Variants in TMEM68 observed in about 807,000 individuals in gnomAD.
The protein encoded by TMEM68 is transmembrane protein 68.
In TMEM68, 25 loss-of-function variants were observed where a neutral mutation model predicts 36.9. That is an observed-to-expected ratio of 0.68 (90% CI 0.49 to 0.95). The LOEUF is 0.95. Among genes scored for constraint, TMEM68 ranks in the 40% least tolerant of loss-of-function variants. TMEM68 has a pLI of 0.00. For synonymous variants in TMEM68, 131 were observed against 124.4 expected (o/e 1.05, Z -0.35); for missense variants, 333 against 392.0 (o/e 0.85, Z 1.27).
intron 6 of TMEM68, among the ~76,000 whole-genome samples, chr8:55,744,598 C>T (rs2129913130): frequency 6.6e-6 from 1 of 152,156 alleles, no homozygotes; most frequent in East Asian, 1.9e-4. Flanking sequence ...TGAGCCACCG[C>T]TCCCGGCCGC....
intron 3 of TMEM68, among the ~76,000 whole-genome samples, chr8:55,757,106 T>C (rs772694072): frequency 9.2e-5 from 14 of 152,184 alleles, no homozygotes; most frequent in Non-Finnish European, 1.6e-4. Context: ...TTAAAAATAC[T>C]GTACAGTATT....
chr8:55,767,307 T>C (rs987251731), intron 1 of TMEM68, among the ~76,000 whole-genome samples: 2 of 152,218 alleles, frequency 1.3e-5, no homozygotes, highest in Admixed American at 6.5e-5. Context: ...CATCTAAGCA[T>C]AGTTAATGCT....
chr8:55,765,980 C>A (rs1810950406), intron 1 of TMEM68, among the ~76,000 whole-genome samples: 1 of 152,276 alleles, frequency 6.6e-6, no homozygotes. Context: ...AGTCTACAAC[C>A]TCAAGTGACT....
chr8:55,765,126 T>C lies in TMEM68; in HGVS notation c.-114-1146A>G, dbSNP rs959268908. ...ACTATAATTTACCCATGTTTGATCA[T>C]TTAGAATGCAACATAGCAACCATCC... On this transcript the variant is annotated intron_variant, in intron 1 of 7. Coordinates refer to ENST00000434581, the MANE Select transcript of TMEM68 (RefSeq NM_001286657.2). 5.3e-5 allele frequency among the ~76,000 whole-genome samples: 8 copies of C among 152,172 alleles called. No individual in the cohort carries two copies. The South Asian group carries it at 1.2e-3, about 24-fold the overall frequency.
At chr8:55,772,049 T>G (rs1188043504) in intron 1 of TMEM68, among the ~76,000 whole-genome samples, 3 of 152,218 alleles carry the variant, frequency 2.0e-5, no homozygotes, top group Admixed American at 6.5e-5. Context: ...CTTATTATCG[T>G]AACCCAGCTA....
intron 2 of TMEM68, chr8:55,763,560 G>T (rs953626285): frequency 2.0e-5 from 3 of 152,042 alleles, no homozygotes; most frequent in East Asian, 1.9e-4. Flanking sequence ...GCTAATTTTT[G>T]TATTTTTAGT....
At chr8:55,741,204 C>A (rs1810092969) in intron 7 of TMEM68, among the ~76,000 whole-genome samples, 1 of 152,132 alleles carries the variant, frequency 6.6e-6, no homozygotes. Flanking sequence ...TGCACTGTAG[C>A]CTGGGCAACA....
intron 5 of TMEM68, among the ~76,000 whole-genome samples, chr8:55,748,830 ATCC>A (rs1810356744): frequency 6.6e-6 from 1 of 152,200 alleles, no homozygotes; most frequent in African/African-American, 2.4e-5. Flanking sequence ...GCCTCAAGTG[ATCC>A]TCCTGCCTTG....
chr8:55,741,823 A>G (rs2129898767), intron 7 of TMEM68, among the ~76,000 whole-genome samples: 1 of 152,346 alleles, frequency 6.6e-6, no homozygotes, highest in African/African-American at 2.4e-5. Flanking sequence ...TTTCAATTAA[A>G]TCATGAAGGG....
chr8:55,766,029 C>A (rs1810951893), intron 1 of TMEM68, among the ~76,000 whole-genome samples: 2 of 152,084 alleles, frequency 1.3e-5, no homozygotes, highest in Admixed American at 1.3e-4. Context: ...AAACAAAGAA[C>A]TAGTAAATAC....
At chr8:55,749,972 A>T (rs1214519119) in intron 5 of TMEM68, among the ~76,000 whole-genome samples, 1 of 152,152 alleles carries the variant, frequency 6.6e-6, no homozygotes, top group East Asian at 1.9e-4. Context: ...TCCAAGCAAT[A>T]TGTTGCCGAA....
chr8:55,762,511 G>A (rs183468254), intron 3 of TMEM68, 124 bp downstream of exon 3: 1 of 1,507,412 alleles, frequency 6.6e-7, no homozygotes, highest in East Asian at 2.3e-5. Flanking sequence ...AGGTAACAGG[G>A]AATAGTAAAT....
Position 55,739,967 on chromosome 8 carries a change from A to G in TMEM68, c.*165T>C. ...GTTAGTATTTGACACAATTGCAAAAACAAAATTGACTATTTTAAAGAAACG... is the reference window on the plus strand; with the variant it reads ...GTTAGTATTTGACACAATTGCAAAAGCAAAATTGACTATTTTAAAGAAACG... On this transcript the variant is annotated 3_prime_UTR_variant, in exon 8 of 8. Transcript: ENST00000434581. 3.7e-6 allele frequency: 2 copies of G among 543,426 alleles called. No homozygotes were observed. Among genetic ancestry groups the G allele is most frequent in the Non-Finnish European group, 6.3e-6 (2 of 317,358 alleles). The allele number at this position is 543,426 out of a possible 1,614,324, so 33.7% of individuals were successfully genotyped here.
intron 4 of TMEM68, among the ~76,000 whole-genome samples, chr8:55,752,515 G>A (rs1228873911): frequency 3.3e-5 from 5 of 152,010 alleles, no homozygotes; most frequent in Admixed American, 3.3e-4. Flanking sequence ...TTTAACCCGT[G>A]AGGCGGAGGT....
intron 1 of TMEM68, among the ~76,000 whole-genome samples, chr8:55,764,848 G>A (rs1585732210): frequency 1.3e-5 from 2 of 152,124 alleles, no homozygotes; most frequent in Non-Finnish European, 1.5e-5. Flanking sequence ...CAAGGCAGGT[G>A]GATCACCTGA....
chr8:55,757,421 T>C (rs7828202), intron 3 of TMEM68, among the ~76,000 whole-genome samples: 132,921 of 152,118 alleles, frequency 0.87, 58,140 homozygotes, highest in East Asian at 0.99. Flanking sequence ...AGTCACTCTC[T>C]AACTCTTCTC....
chr8:55,748,545 CAAGGGAGAGAGG>C (rs1810345930), intron 5 of TMEM68, among the ~76,000 whole-genome samples: 1 of 115,878 alleles, frequency 8.6e-6, no homozygotes, highest in Non-Finnish European at 1.7e-5. Flanking sequence ...TGCATGTGTG[CAAGGGAGAGAGG>C]GAGGGAGGGG....
At chr8:55,753,513 C>T (rs1810480594) in intron 4 of TMEM68, among the ~76,000 whole-genome samples, 1 of 152,140 alleles carries the variant, frequency 6.6e-6, no homozygotes, top group Admixed American at 6.5e-5. Context: ...TAGCCATAAA[C>T]AATATGTTTA....
intron 2 of TMEM68, chr8:55,763,412 G>A (rs1260996721): frequency 6.5e-6 from 1 of 152,914 alleles, no homozygotes; most frequent in Non-Finnish European, 1.5e-5. Flanking sequence ...TCTTTGAGAT[G>A]GAGTCTCACC....
Sources: gnomAD v4.1 joint callset for allele counts (sites outside exome capture counted in the v4.1 genomes callset) on GRCh38, gnomAD v4.1.1 for gene constraint, MANE v1.5 for transcripts, NCBI Gene and HGNC (gene_info 2026-07-23, HGNC 2026-07-21) for gene names.